The following ISY1 variants were observed in gnomAD, a reference collection of about 807,000 sequenced individuals.
ISY1 encodes the protein ISY1 spliceosome associated protein.
A neutral mutation model predicts 54.4 loss-of-function variants in ISY1; 12 were observed. The observed-to-expected ratio is 0.22, with a 90% CI of 0.14 to 0.36. The LOEUF is 0.36. Among genes scored for constraint, ISY1 ranks in the 10% least tolerant of loss-of-function variants. ISY1 has a pLI of 1.00. For missense variants in ISY1, 282 were observed against 342.2 expected (o/e 0.82, Z 1.39); for synonymous variants, 96 against 117.9 (o/e 0.81, Z 1.20).
Position 129,130,135 on chromosome 3 carries a change from T to C in ISY1, c.804A>G (p.Ala268=). The change falls in exon 11 of 11, where the codon GCA becomes GCG. Residue 268 remains alanine, a synonymous_variant. Transcript: ENST00000393295. ...CACTTTGGGCCTGCAGGGTCTCGCT[T>C]GCATACTTCTGGAGGAGTTCCATTT... is the stretch of plus-strand genomic sequence containing the variant. ...RKKMELLQKY[A]SETLQAQSEE... The C allele has an allele frequency of 6.2e-7, 1 of 1,612,492 alleles. No homozygotes were observed. Among genetic ancestry groups the C allele is most frequent in the Non-Finnish European group, 8.5e-7 (1 of 1,179,466 alleles).
rs1292195077 is a variant in ISY1, at chr3:129,130,202, G to C, written c.751-14C>G. 2.5e-6 allele frequency: 4 copies of C among 1,595,972 alleles called. No individual in the cohort carries two copies. Among genetic ancestry groups the C allele is most frequent in the Non-Finnish European group, 3.4e-6 (4 of 1,172,328 alleles). ...TGCCTCCTCAATCTGTGGAAATTAA[G>C]AGTGCAGGGCTCACTCCTCAGCAAA... On this transcript the variant is annotated splice_polypyrimidine_tract_variant and intron_variant, in intron 10 of 10. Transcript: ENST00000393295.
In ISY1 at chr3:129,133,074, GC is replaced by G. The variant is rs541834835; in HGVS notation, c.663+999del. On this transcript the variant is annotated intron_variant, in intron 9 of 10. Transcript: ENST00000393295. ...AGGCAGCAAGGACTCCAAATATAGG[GC>G]CCCGCAGAAGAGCTCTGCCTGGGAG... is the stretch of plus-strand genomic sequence containing the variant. 3.3e-5 allele frequency among the ~76,000 whole-genome samples: 5 copies of G among 152,162 alleles called. No individual in the cohort carries two copies. The South Asian group carries it at 1.0e-3, about 32-fold the overall frequency.
Position 129,134,282 on chromosome 3 carries a change from A to G in ISY1, c.542-87T>C, listed in dbSNP as rs983078280. ...AGGGAAAGGCCAACACTATGCAGGG[A>G]AAGTCTAGACATCCCCTCTAGAAAG... On this transcript the variant is annotated intron_variant, in intron 8 of 10. Transcript: ENST00000393295. 5.1e-5 allele frequency: 81 copies of G among 1,589,292 alleles called. No individual in the cohort carries two copies. In the Admixed American group the frequency reaches 5.3e-4, roughly 10 times the overall value.
At chr3:129,133,999 C>G in intron 9 of ISY1, 75 bp downstream of exon 9, 9 of 1,593,812 alleles carry the variant, frequency 5.6e-6, no homozygotes, top group Middle Eastern at 2.2e-4. Flanking sequence ...TATTTGGGAG[C>G]CAAGTTTCCT....
chr3:129,148,983 A>G (rs549131747), intron 5 of ISY1, among the ~76,000 whole-genome samples: 25 of 152,306 alleles, frequency 1.6e-4, no homozygotes, highest in Non-Finnish European at 3.4e-4. Flanking sequence ...TCTCCATTGA[A>G]TTGTTTTCAT....
chr3:129,146,522 G>A (rs550603720), intron 5 of ISY1, among the ~76,000 whole-genome samples: 2 of 152,184 alleles, frequency 1.3e-5, no homozygotes, highest in Admixed American at 1.3e-4. Flanking sequence ...GACACAGCAA[G>A]GCCTTCATGA....
At chr3:129,139,637 C>T (rs143339207) in intron 7 of ISY1, among the ~76,000 whole-genome samples, 1 of 151,530 alleles carries the variant, frequency 6.6e-6, no homozygotes, top group Non-Finnish European at 1.5e-5. Context: ...AAAGTAGCTC[C>T]ACTTTTCTCC....
intron 6 of ISY1, among the ~76,000 whole-genome samples, chr3:129,145,055 C>T (rs929126184): frequency 3.3e-5 from 5 of 152,088 alleles, no homozygotes; most frequent in Admixed American, 6.6e-5. Context: ...GGACTATAAG[C>T]ATGTGCTACT....
chr3:129,154,791 C>A (rs1331165677), intron 5 of ISY1, among the ~76,000 whole-genome samples: 1 of 151,152 alleles, frequency 6.6e-6, no homozygotes, highest in Admixed American at 6.6e-5. Context: ...TGGGTTCATG[C>A]CATTCTCCTG....
At chr3:129,157,745 G>C (rs1937187829) in intron 3 of ISY1, among the ~76,000 whole-genome samples, 1 of 150,716 alleles carries the variant, frequency 6.6e-6, no homozygotes, top group Non-Finnish European at 1.5e-5. Flanking sequence ...AAAAGGGCCG[G>C]GCCCAGTCAT....
At chr3:129,133,353 C>A (rs1193098991) in intron 9 of ISY1, among the ~76,000 whole-genome samples, 1 of 152,050 alleles carries the variant, frequency 6.6e-6, no homozygotes, top group Non-Finnish European at 1.5e-5. Context: ...CAACCATGAC[C>A]CTCTAAGAAA....
chr3:129,142,050 C>A (rs901294177), intron 6 of ISY1, among the ~76,000 whole-genome samples: 1 of 151,542 alleles, frequency 6.6e-6, no homozygotes, highest in Non-Finnish European at 1.5e-5. Flanking sequence ...ACTAAAAATA[C>A]AAAAATTAGC....
intron 5 of ISY1, among the ~76,000 whole-genome samples, chr3:129,154,498 T>A (rs1937076119): frequency 6.6e-6 from 1 of 150,614 alleles, no homozygotes; most frequent in African/African-American, 2.4e-5. Flanking sequence ...TGGCAGTTTG[T>A]GTCTTGTAAG....
At chr3:129,150,211 C>T (rs1372995200) in intron 5 of ISY1, among the ~76,000 whole-genome samples, 1 of 152,080 alleles carries the variant, frequency 6.6e-6, no homozygotes, top group African/African-American at 2.4e-5. Context: ...AAATTTCAGA[C>T]ATAGAATGTC....
chr3:129,131,550 T>C (rs1936238458), intron 9 of ISY1, among the ~76,000 whole-genome samples: 1 of 152,212 alleles, frequency 6.6e-6, no homozygotes, highest in Admixed American at 6.5e-5. Flanking sequence ...GCTATGTGTG[T>C]GTGTGTTCAC....
rs372781875 is a variant in ISY1 at position 129,155,427 on chromosome 3, C to G, written c.187+1206G>C. 7.9e-5 allele frequency among the ~76,000 whole-genome samples: 12 copies of G among 152,060 alleles called. No individual in the cohort carries two copies. In the East Asian group the frequency reaches 1.6e-3, roughly 20 times the overall value. Reference sequence around the variant, plus strand: ...CCAGGATAGTCTCTTATCTCCTAACCTCGTGATCCACCCGCCTCGGCCTCC... The same window carrying G: ...CCAGGATAGTCTCTTATCTCCTAACGTCGTGATCCACCCGCCTCGGCCTCC... On this transcript the variant is annotated intron_variant, in intron 5 of 10. Coordinates refer to ENST00000393295, the MANE Select transcript of ISY1 (RefSeq NM_020701.4).
chr3:129,157,487 G>A (rs1489072433), intron 3 of ISY1, among the ~76,000 whole-genome samples: 1 of 152,116 alleles, frequency 6.6e-6, no homozygotes, highest in Non-Finnish European at 1.5e-5. Flanking sequence ...GGGAGGTCAA[G>A]GCAGGCAGAT....
intron 1 of ISY1, among the ~76,000 whole-genome samples, chr3:129,160,427 G>A (rs1019431643): frequency 2.6e-5 from 4 of 151,870 alleles, no homozygotes; most frequent in Admixed American, 2.6e-4. Flanking sequence ...AGACCACAGA[G>A]AGCACACCCT....
chr3:129,143,293 G>A (rs1936676049), intron 6 of ISY1, among the ~76,000 whole-genome samples: 3 of 151,704 alleles, frequency 2.0e-5, no homozygotes, highest in Non-Finnish European at 4.4e-5. Context: ...GATCACCAGA[G>A]GTCAGGAGTT....
Sources: allele counts gnomAD v4.1 joint callset (sites outside exome capture counted in the v4.1 genomes callset), GRCh38; gene constraint gnomAD v4.1.1; transcripts MANE v1.5; gene names NCBI Gene and HGNC (gene_info 2026-07-23, HGNC 2026-07-21).